The following NUP98 variants were observed in gnomAD, a reference collection of about 807,000 sequenced individuals.
NUP98 encodes nuclear pore complex protein Nup98-Nup96.
Under a neutral mutation model 191.9 loss-of-function variants are expected in NUP98, and 26 were observed. That is an observed-to-expected ratio of 0.14 (90% CI 0.10 to 0.19). NUP98 has a LOEUF of 0.19. Ranked by LOEUF, NUP98 falls within the 10% of genes least tolerant of loss-of-function variation. The probability of loss-of-function intolerance (pLI) is 1.00; values close to 1 mark genes in which losing one functional copy is unlikely to be tolerated. For missense variants in NUP98, 1,941 were observed against 2,178.8 expected, an observed-to-expected ratio of 0.89 and a Z score of 2.17; for synonymous variants, 808 against 778.4, an observed-to-expected ratio of 1.04 and a Z score of -0.63.
chr11:3,722,128 T>TA (rs2079427061), intron 16 of NUP98, among the ~76,000 whole-genome samples: 1 of 146,330 alleles, frequency 6.8e-6, no homozygotes, highest in South Asian at 2.2e-4. Flanking sequence ...TTTTTTTTTT[T>TA]AGGAGACAGG....
chr11:3,694,526 G>C (rs2078438534), intron 26 of NUP98, among the ~76,000 whole-genome samples: 1 of 151,560 alleles, frequency 6.6e-6, no homozygotes, highest in Admixed American at 6.6e-5. Context: ...AGATCATGAG[G>C]TCAGGAGACC....
intron 12 of NUP98, among the ~76,000 whole-genome samples, chr11:3,740,113 T>C (rs942137253): frequency 2.0e-5 from 3 of 152,310 alleles, no homozygotes; most frequent in African/African-American, 4.8e-5. Flanking sequence ...TCTACTAGTA[T>C]GATCAAATGA....
At chr11:3,714,021 A>C in intron 18 of NUP98, 26 bp from the exon 19 acceptor site, 1 of 1,609,636 alleles carries the variant, frequency 6.2e-7, no homozygotes, top group Non-Finnish European at 8.5e-7. Context: ...AATTAAAGTA[A>C]CCAATTAAAG....
intron 12 of NUP98, among the ~76,000 whole-genome samples, chr11:3,740,639 G>A (rs2080247834): frequency 6.6e-6 from 1 of 151,784 alleles, no homozygotes; most frequent in Admixed American, 6.6e-5. Flanking sequence ...AAAGGAGAAG[G>A]GCAACTACTG....
intron 12 of NUP98, among the ~76,000 whole-genome samples, chr11:3,743,490 C>CCAAAA (rs2080364548): frequency 6.9e-6 from 1 of 145,118 alleles, no homozygotes; most frequent in Non-Finnish European, 1.5e-5. Context: ...ACTGAAAATA[C>CCAAAA]AAAAAAATTA....
rs2079093355 is a variant in NUP98, at chr11:3,713,854, T to C, written c.2541A>G (p.Lys847=). 6.2e-7 allele frequency: 1 copy of C among 1,614,154 alleles called. No homozygotes were observed. The highest frequency in any genetic ancestry group is 8.5e-7 in the Non-Finnish European group (1 of 1,180,004). The stretch of plus-strand genomic sequence containing the variant: ...AAGAACCAGTTTCAGGCCGGTATTC[T>C]TTGAATTGAGCTCCCTGTTTCCTTG... ...AVSRKQGAQF[K]EYRPETGSWV... Residue 847 remains lysine, a synonymous_variant, in exon 19 of 33, where the codon AAA becomes AAG. Transcript: ENST00000324932.
intron 6 of NUP98, among the ~76,000 whole-genome samples, chr11:3,772,620 G>A (rs750073038): frequency 2.6e-5 from 4 of 151,868 alleles, no homozygotes; most frequent in Non-Finnish European, 4.4e-5. Flanking sequence ...TTCAAGAACA[G>A]CCCGGCCAAC....
At chr11:3,769,733 C>A (rs2081459846) in intron 7 of NUP98, among the ~76,000 whole-genome samples, 1 of 152,114 alleles carries the variant, frequency 6.6e-6, no homozygotes, top group South Asian at 2.1e-4. Flanking sequence ...TATGGTGAAA[C>A]CCCGTCCCTG....
At chr11:3,743,557 G>A (rs906711207) in intron 12 of NUP98, among the ~76,000 whole-genome samples, 14 of 145,978 alleles carry the variant, frequency 9.6e-5, no homozygotes, top group Admixed American at 1.4e-4. Flanking sequence ...TGAGGCGGGA[G>A]AATGGCGTGA....
chr11:3,755,526 A>C (rs2080929539), intron 10 of NUP98, among the ~76,000 whole-genome samples: 1 of 152,112 alleles, frequency 6.6e-6, no homozygotes, highest in East Asian at 1.9e-4. Flanking sequence ...CAGAATAAAG[A>C]GACTATTTTA....
At chr11:3,689,130 G>C (rs1030740813) in intron 28 of NUP98, among the ~76,000 whole-genome samples, 1 of 152,064 alleles carries the variant, frequency 6.6e-6, no homozygotes, top group Non-Finnish European at 1.5e-5. Flanking sequence ...CTACTCAGGA[G>C]GCTGAGGTGA....
intron 7 of NUP98, among the ~76,000 whole-genome samples, chr11:3,769,544 C>G (rs896922693): frequency 6.8e-6 from 1 of 147,688 alleles, no homozygotes; most frequent in African/African-American, 2.5e-5. Context: ...CCACTGCACT[C>G]CAGCCTGGTC....
At chr11:3,731,843 C>A (rs1488127684) in intron 13 of NUP98, among the ~76,000 whole-genome samples, 1 of 152,118 alleles carries the variant, frequency 6.6e-6, no homozygotes, top group Admixed American at 6.5e-5. Context: ...AGTTGAGTAT[C>A]CCAAATGTGA....
rs143505361 is a variant in NUP98, at chr11:3,720,759, T to C, written c.2213A>G (p.Asn738Ser). 845 of 1,604,470 alleles carry C rather than the reference T, an allele frequency of 5.3e-4. 2 individuals carry two copies. Among genetic ancestry groups the C allele is most frequent in the Non-Finnish European group, 6.5e-4 (763 of 1,172,988 alleles). ...AGAGACAATGCACTCTCCTTTTTCA[T>C]TGGTAATTTTAGCAAGGTCATCCAT... Reference protein sequence around the residue: ...PSMDDLAKITNEKGECIVSDF... With the variant: ...PSMDDLAKITSEKGECIVSDF... The change falls in exon 17 of 33, where the codon AAT becomes AGT. Residue 738 changes from asparagine to serine, a missense_variant. Transcript: ENST00000324932.
intron 1 of NUP98, among the ~76,000 whole-genome samples, chr11:3,791,181 C>T (rs962526337): frequency 6.6e-6 from 1 of 152,066 alleles, no homozygotes; most frequent in Admixed American, 6.6e-5. Context: ...AGGCGTGAGC[C>T]ACTGCGCCCC....
chr11:3,691,853 C>T (rs915466855), intron 27 of NUP98, among the ~76,000 whole-genome samples: 10 of 152,114 alleles, frequency 6.6e-5, no homozygotes, highest in African/African-American at 2.2e-4. Flanking sequence ...CGCACCCGGC[C>T]TAGATGCCAT....
In NUP98 at chr11:3,724,445, A is replaced by T. The variant is rs563338056; in HGVS notation, c.1847+658T>A. On this transcript the variant is annotated intron_variant, in intron 15 of 32. Transcript: ENST00000324932. ...GAGCAAAACTCCATCTCAAAAAAAA[A>T]AAATAAATAAATAAATTTCTGATAT... Among the ~76,000 whole-genome samples, 846 of 139,360 alleles carry T rather than the reference A, an allele frequency of 6.1e-3. 10 individuals carry two copies. The highest frequency in any genetic ancestry group is 6.1e-3 in the Non-Finnish European group (391 of 64,182). 91.4% of individuals were successfully genotyped at this position (139,360 alleles called of 152,430 possible).
Position 3,676,130 on chromosome 11 carries a change from A to G in NUP98, c.*29T>C, listed in dbSNP as rs1279721654. The G allele has an allele frequency of 6.2e-7, 1 of 1,602,572 alleles. No homozygotes were observed. Among genetic ancestry groups the G allele is most frequent in the Non-Finnish European group, 8.5e-7 (1 of 1,171,788 alleles). On this transcript the variant is annotated 3_prime_UTR_variant, in exon 33 of 33. Coordinates refer to ENST00000324932, the MANE Select transcript of NUP98 (RefSeq NM_016320.5). ...GAACCTCTGTGTGGTGTGAATGGGC[A>G]TGTGACTGTGATGCAAAGTGCCTGG...
At chr11:3,743,059 C>T (rs1275467060) in intron 12 of NUP98, among the ~76,000 whole-genome samples, 1 of 151,976 alleles carries the variant, frequency 6.6e-6, no homozygotes, top group Non-Finnish European at 1.5e-5. Context: ...CACTCTGTCA[C>T]CCAGGTTGGA....
Sources: gnomAD v4.1 joint callset for allele counts (sites outside exome capture counted in the v4.1 genomes callset) on GRCh38, gnomAD v4.1.1 for gene constraint, MANE v1.5 for transcripts, NCBI Gene and HGNC (gene_info 2026-07-23, HGNC 2026-07-21) for gene names.